The following TM4SF4 variants were observed in gnomAD, a reference collection of about 807,000 sequenced individuals.
The protein encoded by TM4SF4 is transmembrane 4 L six family member 4, also known as transmembrane 4 L6 family member 4.
A neutral mutation model predicts 24.1 loss-of-function variants in TM4SF4; 24 were observed. That is an observed-to-expected ratio of 1.00 (90% CI 0.72 to 1.40). The LOEUF (loss-of-function observed/expected upper bound fraction) is 1.40. TM4SF4 is among the 40% of genes most tolerant of loss of function. TM4SF4 has a pLI of 0.00. For missense variants in TM4SF4, 254 were observed against 254.2 expected (o/e 1.00, Z 0.01); for synonymous variants, 113 against 97.0 (o/e 1.17, Z -0.97).
chr3:149,496,828 T>A (rs1266858364), intron 3 of TM4SF4, among the ~76,000 whole-genome samples: 1 of 151,910 alleles, frequency 6.6e-6, no homozygotes, highest in African/African-American at 2.4e-5. Context: ...TCTCAGTGAA[T>A]TCTCACAATT....
intron 2 of TM4SF4, 67 bp downstream of exon 2, chr3:149,475,979 C>A: frequency 7.3e-7 from 1 of 1,378,144 alleles, no homozygotes; most frequent in Non-Finnish European, 1.0e-6. Flanking sequence ...TGCTGGGCAG[C>A]ATGGGGATGG....
intron 3 of TM4SF4, chr3:149,495,150 C>A (rs1051819632): frequency 8.6e-6 from 2 of 231,996 alleles, no homozygotes; most frequent in Non-Finnish European, 1.7e-5. Context: ...ATGAGAAAAT[C>A]ATTAAGAAAG....
chr3:149,479,030 G>T (rs1398929181), intron 2 of TM4SF4, among the ~76,000 whole-genome samples: 2 of 152,186 alleles, frequency 1.3e-5, no homozygotes, highest in Non-Finnish European at 2.9e-5. Flanking sequence ...ACCTCCCAAA[G>T]TGCTGGGATT....
intron 2 of TM4SF4, among the ~76,000 whole-genome samples, chr3:149,478,596 C>T (rs1176609733): frequency 1.3e-5 from 2 of 152,196 alleles, no homozygotes; most frequent in East Asian, 3.8e-4. Flanking sequence ...AGGATAACTC[C>T]TCCAAATGAC....
chr3:149,486,321 T>A (rs1162681339), intron 2 of TM4SF4, among the ~76,000 whole-genome samples: 2 of 152,168 alleles, frequency 1.3e-5, no homozygotes, highest in African/African-American at 2.4e-5. Context: ...TGAGGACACA[T>A]TCATTATGCA....
At chr3:149,478,702 G>T (rs1457803661) in intron 2 of TM4SF4, among the ~76,000 whole-genome samples, 1 of 152,200 alleles carries the variant, frequency 6.6e-6, no homozygotes, top group African/African-American at 2.4e-5. Context: ...CTGGGCCAGG[G>T]TCGACCACAT....
intron 3 of TM4SF4, chr3:149,494,666 A>G (rs1734279101): frequency 6.6e-6 from 1 of 152,470 alleles, no homozygotes; most frequent in Non-Finnish European, 1.5e-5. Flanking sequence ...CAAAATGGGA[A>G]AGAAAAGGAT....
At chr3:149,489,395 T>C (rs1393624097) in intron 3 of TM4SF4, among the ~76,000 whole-genome samples, 2 of 152,254 alleles carry the variant, frequency 1.3e-5, no homozygotes, top group Admixed American at 6.5e-5. Context: ...ATGTGAATAA[T>C]ACTACCCTAG....
Position 149,477,802 on chromosome 3 carries a change from T to C in TM4SF4, c.264+1890T>C, listed in dbSNP as rs189854459. On this transcript the variant is annotated intron_variant, in intron 2 of 4. Coordinates refer to ENST00000305354, the MANE Select transcript of TM4SF4 (RefSeq NM_004617.4). ...AAAGGAAAAGAAGGTATTTATAACT[T>C]ATTTTCCCCTTGAATTATAATCCCA... Among the ~76,000 whole-genome samples the C allele has an allele frequency of 1.4e-3, 219 of 152,314 alleles. 1 individual carries two copies. The highest frequency in any genetic ancestry group is 4.6e-3 in the African/African-American group (191 of 41,580).
At chr3:149,483,109 T>C (rs1576518268) in intron 2 of TM4SF4, among the ~76,000 whole-genome samples, 1 of 152,054 alleles carries the variant, frequency 6.6e-6, no homozygotes, top group Non-Finnish European at 1.5e-5. Context: ...GACAACTCAA[T>C]CTGCCATATG....
chr3:149,476,913 A>C (rs1733943480), intron 2 of TM4SF4, among the ~76,000 whole-genome samples: 1 of 140,942 alleles, frequency 7.1e-6, no homozygotes, highest in African/African-American at 2.7e-5. Context: ...TGATTCTCCC[A>C]CCTCAGCCTT....
At chr3:149,492,929 G>T (rs1405059170) in intron 3 of TM4SF4, among the ~76,000 whole-genome samples, 1 of 152,172 alleles carries the variant, frequency 6.6e-6, no homozygotes, top group Non-Finnish European at 1.5e-5. Flanking sequence ...CAAATGTTAG[G>T]AGCCAGTTTT....
At chr3:149,491,238 G>A (rs1214642089) in intron 3 of TM4SF4, among the ~76,000 whole-genome samples, 2 of 148,894 alleles carry the variant, frequency 1.3e-5, no homozygotes, top group Non-Finnish European at 3.0e-5. Context: ...TTGAGCCCAG[G>A]AGTTCAAGAC....
intron 3 of TM4SF4, among the ~76,000 whole-genome samples, chr3:149,497,501 G>C (rs1009050562): frequency 6.6e-6 from 1 of 152,084 alleles, no homozygotes; most frequent in Admixed American, 6.5e-5. Context: ...TTTCATTAAG[G>C]CTCTGAAAGG....
intron 2 of TM4SF4, among the ~76,000 whole-genome samples, chr3:149,481,065 T>C (rs556733865): frequency 6.6e-6 from 1 of 152,212 alleles, no homozygotes; most frequent in East Asian, 1.9e-4. Flanking sequence ...TTTCACTATG[T>C]TGGCCAGGCT....
At chr3:149,497,618 C>G (rs1734333417) in intron 3 of TM4SF4, among the ~76,000 whole-genome samples, 1 of 152,154 alleles carries the variant, frequency 6.6e-6, no homozygotes, top group Non-Finnish European at 1.5e-5. Context: ...TCGTACACTT[C>G]ACATTTATCC....
chr3:149,484,371 T>TA (rs1734082457), intron 2 of TM4SF4, among the ~76,000 whole-genome samples: 1 of 54,582 alleles, frequency 1.8e-5, no homozygotes, highest in Non-Finnish European at 5.2e-5. Context: ...TAGAATGCAA[T>TA]TGTTTATTTA....
chr3:149,497,374 C>T (rs1266696187), intron 3 of TM4SF4, among the ~76,000 whole-genome samples: 1 of 152,168 alleles, frequency 6.6e-6, no homozygotes, highest in East Asian at 1.9e-4. Context: ...ATGCTATAAA[C>T]AATGTTTTAT....
At chr3:149,479,355 T>C (rs575866007) in intron 2 of TM4SF4, among the ~76,000 whole-genome samples, 2 of 136,222 alleles carry the variant, frequency 1.5e-5, no homozygotes, top group South Asian at 2.2e-4. Context: ...CATTTCTTTT[T>C]CTTTTCTTTT....
Sources: allele counts gnomAD v4.1 joint callset (sites outside exome capture counted in the v4.1 genomes callset), GRCh38; gene constraint gnomAD v4.1.1; transcripts MANE v1.5; gene names NCBI Gene and HGNC (gene_info 2026-07-23, HGNC 2026-07-21).